PLEKHA1: variants seen among roughly 807,000 people sequenced by gnomAD.
PLEKHA1 encodes pleckstrin homology domain containing A1, also known as pleckstrin homology domain-containing family A member 1.
In PLEKHA1, 34 loss-of-function variants were observed where a neutral mutation model predicts 52.0. The observed-to-expected ratio is 0.65, with a 90% CI of 0.50 to 0.87. PLEKHA1 has a LOEUF of 0.87. PLEKHA1 is among the 40% of genes least tolerant of loss of function. The probability of loss-of-function intolerance (pLI) is 0.00; values close to 1 mark genes in which losing one functional copy is unlikely to be tolerated. For missense variants in PLEKHA1, 497 were observed against 504.2 expected, an observed-to-expected ratio of 0.99 and a Z score of 0.14; for synonymous variants, 163 against 170.7, an observed-to-expected ratio of 0.95 and a Z score of 0.35.
At chr10:122,395,212 CTT>C (rs67969182) in intron 2 of PLEKHA1, among the ~76,000 whole-genome samples, 30,098 of 152,074 alleles carry the variant, frequency 0.2, 3,105 homozygotes, top group Middle Eastern at 0.24. Flanking sequence ...TCCACATAAA[CTT>C]TTAAAATCCA....
chr10:122,421,079 GTA>G (rs1459337416), intron 8 of PLEKHA1: 1 of 152,130 alleles, frequency 6.6e-6, no homozygotes, highest in Non-Finnish European at 1.5e-5. Context: ...ACTAAAATAG[GTA>G]TTAAGTGTTG....
chr10:122,418,995 C>G (rs1478613171), intron 8 of PLEKHA1: 1 of 152,196 alleles, frequency 6.6e-6, no homozygotes, highest in Non-Finnish European at 1.5e-5. Flanking sequence ...GAGGAACTGA[C>G]TTAATTTCAT....
intron 1 of PLEKHA1, 200 bp from the exon 2 acceptor site, chr10:122,392,981 A>C (rs912870340): frequency 2.4e-6 from 1 of 416,216 alleles, no homozygotes; most frequent in Non-Finnish European, 4.2e-6. Flanking sequence ...CAGTGAATAA[A>C]TAGTTACATT....
At chr10:122,375,416 C>A (rs540202759) in intron 1 of PLEKHA1, among the ~76,000 whole-genome samples, 1 of 152,362 alleles carries the variant, frequency 6.6e-6, no homozygotes, top group African/African-American at 2.4e-5. Context: ...TCCGCACCTT[C>A]GGGGCAGGTG....
chr10:122,429,863 T>C lies in PLEKHA1; in HGVS notation c.1140T>C (p.Ser380=), dbSNP rs141327284. ...VTEQALLRPQ[S]KNGPQEKDCD... ...AACAAGCTCTGTTAAGACCTCAAAG[T>C]AAAAATGGCCCTCAGGAAAAAGATT... Residue 380 remains serine, a synonymous_variant, in exon 12 of 12, where the codon AGT becomes AGC. Coordinates refer to ENST00000368990, the MANE Select transcript of PLEKHA1 (RefSeq NM_001001974.4). The C allele has an allele frequency of 6.2e-7, 1 of 1,614,058 alleles. No homozygotes were observed. The highest frequency in any genetic ancestry group is 8.5e-7 in the Non-Finnish European group (1 of 1,180,034).
chr10:122,408,218 A>T (rs1484871130), intron 5 of PLEKHA1, among the ~76,000 whole-genome samples: 3 of 152,222 alleles, frequency 2.0e-5, no homozygotes, highest in African/African-American at 7.2e-5. Context: ...TTGCAATAAC[A>T]AGCAGCACTG....
rs757255339 is a variant in PLEKHA1 at position 122,393,348 on chromosome 10, A to G, written c.141+7A>G. On this transcript the variant is annotated splice_region_variant and intron_variant, in intron 2 of 11. Coordinates refer to ENST00000368990, the MANE Select transcript of PLEKHA1 (RefSeq NM_001001974.4). This position sits in a 1 kb window ranked among gnomAD's most constrained non-coding sequence, Gnocchi z 4.5. ...GTACATGGATAATCCACAGGTTTGT[A>G]AAATCCCAAGGATTATCTTTTAAAA... 21 of 1,592,452 alleles carry G rather than the reference A, an allele frequency of 1.3e-5. No individual in the cohort carries two copies. The highest frequency in any genetic ancestry group is 1.8e-5 in the Non-Finnish European group (21 of 1,170,940).
At chr10:122,394,870 A>G (rs2096829613) in intron 2 of PLEKHA1, among the ~76,000 whole-genome samples, 2 of 152,214 alleles carry the variant, frequency 1.3e-5, no homozygotes, top group African/African-American at 2.4e-5. Flanking sequence ...CCTACATAAT[A>G]GATTCTTCTT....
intron 8 of PLEKHA1, chr10:122,420,177 C>T (rs1449393259): frequency 1.3e-5 from 2 of 152,150 alleles, no homozygotes; most frequent in African/African-American, 2.4e-5. Flanking sequence ...AAAATATGGA[C>T]ATTGGTGGCT....
chr10:122,419,257 T>G (rs1028136595), intron 8 of PLEKHA1: 14 of 152,172 alleles, frequency 9.2e-5, no homozygotes, highest in Middle Eastern at 3.2e-3. Flanking sequence ...TAAATGAGCT[T>G]CTTAAGGGTA....
chr10:122,419,641 TG>T, intron 8 of PLEKHA1: 1 of 152,312 alleles, frequency 6.6e-6, no homozygotes, highest in African/African-American at 2.4e-5. Flanking sequence ...AGTTCAGTTT[TG>T]GTGGGGAAAT....
chr10:122,378,597 G>A (rs957589796), intron 1 of PLEKHA1, among the ~76,000 whole-genome samples: 1 of 151,946 alleles, frequency 6.6e-6, no homozygotes, highest in African/African-American at 2.4e-5. Context: ...TCAGCCGGGC[G>A]TGGTGGCATG....
At chr10:122,415,433 T>A (rs1237368037) in intron 6 of PLEKHA1, among the ~76,000 whole-genome samples, 2 of 152,196 alleles carry the variant, frequency 1.3e-5, no homozygotes, top group Non-Finnish European at 2.9e-5. Context: ...CATAGATGAA[T>A]GTATGTAAAA....
At position 122,430,677 on chromosome 10, in the gene PLEKHA1, G is replaced by A. The variant is rs1001690901; in HGVS notation, c.*739G>A. 6.6e-6 allele frequency: 1 copy of A among 152,210 alleles called. No homozygotes were observed. 9.4% of individuals were successfully genotyped at this position (152,210 alleles called of 1,614,324 possible). ...ATTATTTGGTAGGAAATTTTTGGGA[G>A]ATCTGATTTTCTTATCCAAGTTTTG... On this transcript the variant is annotated 3_prime_UTR_variant, in exon 12 of 12. Coordinates refer to ENST00000368990, the MANE Select transcript of PLEKHA1 (RefSeq NM_001001974.4).
Position 122,417,133 on chromosome 10 carries a change from G to A in PLEKHA1, c.613-767G>A, listed in dbSNP as rs4752694. The stretch of plus-strand genomic sequence containing the variant: ...CTTCTGCAAAAACTGTTATTTTATT[G>A]ACAAAAAATATTTGTACAAAATAGG... On this transcript the variant is annotated intron_variant, in intron 7 of 11. Coordinates refer to ENST00000368990, the MANE Select transcript of PLEKHA1 (RefSeq NM_001001974.4). 0.012 allele frequency: 1,790 copies of A among 152,338 alleles called. 94 individuals carry two copies. The East Asian group carries it at 0.18, about 15-fold the overall frequency. 9.4% of individuals were successfully genotyped at this position (152,338 alleles called of 1,614,324 possible). A position where few individuals can be genotyped will look rare whatever the true frequency, so the allele number is the denominator to read the frequency against.
At chr10:122,382,840 C>T (rs1469290698) in intron 1 of PLEKHA1, among the ~76,000 whole-genome samples, 1 of 152,014 alleles carries the variant, frequency 6.6e-6, no homozygotes, top group Non-Finnish European at 1.5e-5. Flanking sequence ...CAATAATGTA[C>T]ATTATAATGG....
In PLEKHA1 at chr10:122,415,894, C is replaced by A; in HGVS notation, c.504C>A (p.Asp168Glu). 1 of 1,612,576 alleles carries A rather than the reference C, an allele frequency of 6.2e-7. No individual in the cohort carries two copies. The highest frequency in any genetic ancestry group is 8.5e-7 in the Non-Finnish European group (1 of 1,178,898). The part of the protein sequence containing the change: ...EEVNECGESI[D>E]RNNLKRSQSH... ...TAAATGAATGTGGTGAAAGTATTGA[C>A]AGAAATAATCTGAAACGGTCACAAA... The change falls in exon 7 of 12, where the codon GAC becomes GAA. Residue 168 changes from aspartate to glutamate, a missense_variant. Physicochemically the swap from Asp to Glu is conservative, Grantham distance 45. Coordinates refer to ENST00000368990, the MANE Select transcript of PLEKHA1 (RefSeq NM_001001974.4).
chr10:122,411,505 A>C (rs758229160), intron 5 of PLEKHA1, among the ~76,000 whole-genome samples: 2 of 152,328 alleles, frequency 1.3e-5, no homozygotes, highest in African/African-American at 4.8e-5. Context: ...ATCGTATGGA[A>C]GAAGAGCACA....
At chr10:122,376,807 G>A (rs1383573554) in intron 1 of PLEKHA1, among the ~76,000 whole-genome samples, 1 of 152,176 alleles carries the variant, frequency 6.6e-6, no homozygotes, top group East Asian at 1.9e-4. Flanking sequence ...TTTTAGAAGT[G>A]TTTAAGGATG....
Sources: allele counts gnomAD v4.1 joint callset (sites outside exome capture counted in the v4.1 genomes callset), GRCh38; gene constraint gnomAD v4.1.1; non-coding constraint Gnocchi (gnomAD v3.1); transcripts MANE v1.5; gene names NCBI Gene and HGNC (gene_info 2026-07-23, HGNC 2026-07-21).